The following PDE4B variants were observed in gnomAD, a reference collection of about 807,000 sequenced individuals.
PDE4B encodes phosphodiesterase 4B.
PDE4B carries 20 observed loss-of-function variants against 82.2 expected under a neutral mutation model. The observed-to-expected ratio is 0.24, with a 90% CI of 0.17 to 0.35. PDE4B has a LOEUF of 0.35. Among genes scored for constraint, PDE4B ranks in the 10% least tolerant of loss-of-function variants. The pLI, the probability that PDE4B is intolerant of heterozygous loss-of-function variation, is 1.00. For synonymous variants in PDE4B, 320 were observed against 318.9 expected (o/e 1.00, Z -0.04); for missense variants, 655 against 907.2 (o/e 0.72, Z 3.57).
At chr1:66,021,457 A>G (rs4475719) in intron 3 of PDE4B, among the ~76,000 whole-genome samples, 135,624 of 152,224 alleles carry the variant, frequency 0.89, 60,898 homozygotes, top group Non-Finnish European at 0.94. Context: ...TAGGTCTAAC[A>G]TTCAAGTCTT....
Position 66,372,438 on chromosome 1 carries a change from T to C in PDE4B, c.1971T>C (p.Pro657=). 6.2e-7 allele frequency: 1 copy of C among 1,614,098 alleles called. No individual in the cohort carries two copies. Among genetic ancestry groups the C allele is most frequent in the Admixed American group, 1.7e-5 (1 of 60,008 alleles). ...GGAACTGGTATCAGAGCATGATACCTCAAAGTCCCTCACCACCACTGGACG... is the reference window on the plus strand; with the variant it reads ...GGAACTGGTATCAGAGCATGATACCCCAAAGTCCCTCACCACCACTGGACG... ...DNRNWYQSMI[P]QSPSPPLDEQ... is the part of the protein sequence containing the mutation. Residue 657 remains proline, a synonymous_variant, in exon 17 of 17, where the codon CCT becomes CCC. Coordinates refer to ENST00000341517, the MANE Select transcript of PDE4B (RefSeq NM_002600.4).
chr1:65,978,334 C>T (rs2503199), intron 3 of PDE4B, among the ~76,000 whole-genome samples: 97,945 of 151,966 alleles, frequency 0.64, 31,702 homozygotes, highest in African/African-American at 0.68. Flanking sequence ...GGGTGCACTA[C>T]CATTTAATTT....
chr1:66,266,364 G>T (rs1042156201), intron 7 of PDE4B, among the ~76,000 whole-genome samples: 1 of 152,206 alleles, frequency 6.6e-6, no homozygotes, highest in Admixed American at 6.5e-5. Flanking sequence ...AGAGGAGCAG[G>T]AGACAGAGTT....
intron 1 of PDE4B, among the ~76,000 whole-genome samples, chr1:65,870,073 C>T (rs1646556338): frequency 6.6e-6 from 1 of 152,088 alleles, no homozygotes; most frequent in Non-Finnish European, 1.5e-5. Context: ...ATTCAATGCT[C>T]ACTTACTTTC....
chr1:66,118,292 T>G (rs571337325), intron 3 of PDE4B, among the ~76,000 whole-genome samples: 14 of 152,278 alleles, frequency 9.2e-5, no homozygotes, highest in African/African-American at 3.1e-4. Context: ...TGCGGCACTA[T>G]TCACAATAGC....
intron 3 of PDE4B, among the ~76,000 whole-genome samples, chr1:66,199,943 T>C (rs1234055847): frequency 6.6e-6 from 1 of 152,176 alleles, no homozygotes; most frequent in Non-Finnish European, 1.5e-5. Context: ...TGAATAGTAT[T>C]GCCTAGGTTT....
chr1:66,123,505 C>T (rs1267549407), intron 3 of PDE4B, among the ~76,000 whole-genome samples: 1 of 151,886 alleles, frequency 6.6e-6, no homozygotes, highest in African/African-American at 2.4e-5. Flanking sequence ...TTCCCTCTCT[C>T]CTTTCTCCCT....
intron 7 of PDE4B, among the ~76,000 whole-genome samples, chr1:66,293,415 C>T (rs1256796940): frequency 6.6e-6 from 1 of 151,348 alleles, no homozygotes; most frequent in African/African-American, 2.5e-5. Flanking sequence ...CATTCCTTTC[C>T]TTTATGGCCA....
At chr1:66,036,843 G>GT (rs1181156657) in intron 3 of PDE4B, among the ~76,000 whole-genome samples, 2 of 152,126 alleles carry the variant, frequency 1.3e-5, no homozygotes, top group East Asian at 1.9e-4. Flanking sequence ...TTTTATAATT[G>GT]TTTTTTCTGG....
intron 3 of PDE4B, among the ~76,000 whole-genome samples, chr1:66,232,204 T>C (rs1245936854): frequency 6.6e-6 from 1 of 152,254 alleles, no homozygotes; most frequent in Non-Finnish European, 1.5e-5. Context: ...AGTAGTTTTA[T>C]AGAAATTGGA....
chr1:66,172,779 TTA>T (rs1490802319), intron 3 of PDE4B, among the ~76,000 whole-genome samples: 1 of 10,384 alleles, frequency 9.6e-5, no homozygotes, highest in Non-Finnish European at 1.5e-4. Flanking sequence ...CATCTTCACA[TTA>T]TGTATTATGT....
chr1:66,226,570 G>A (rs1651470263), intron 3 of PDE4B, among the ~76,000 whole-genome samples: 1 of 152,184 alleles, frequency 6.6e-6, no homozygotes. Context: ...AGGATGCTAA[G>A]CAGAGCCAAC....
chr1:65,886,292 T>C (rs1340148823), intron 1 of PDE4B, among the ~76,000 whole-genome samples: 1 of 152,148 alleles, frequency 6.6e-6, no homozygotes, highest in Non-Finnish European at 1.5e-5. Flanking sequence ...GTACATGTGG[T>C]ATTTTGTTAT....
At chr1:66,317,356 C>T (rs1340165159) in intron 7 of PDE4B, among the ~76,000 whole-genome samples, 1 of 152,136 alleles carries the variant, frequency 6.6e-6, no homozygotes, top group Non-Finnish European at 1.5e-5. Flanking sequence ...AACCCTACCC[C>T]GCACACTTCA....
chr1:66,337,125 G>A (rs114999006), intron 8 of PDE4B, among the ~76,000 whole-genome samples: 1 of 152,340 alleles, frequency 6.6e-6, no homozygotes, highest in African/African-American at 2.4e-5. Flanking sequence ...GTAGACAGGC[G>A]CTCAGTCCTT....
At chr1:66,320,046 A>G (rs1659291648) in intron 7 of PDE4B, among the ~76,000 whole-genome samples, 1 of 152,124 alleles carries the variant, frequency 6.6e-6, no homozygotes, top group Admixed American at 6.6e-5. Flanking sequence ...TACCCAAACA[A>G]CACTGAATGG....
chr1:66,202,030 G>C (rs1427002604), intron 3 of PDE4B, among the ~76,000 whole-genome samples: 1 of 152,326 alleles, frequency 6.6e-6, no homozygotes. Context: ...GTGTCCCACA[G>C]ATTCTGGTAT....
At chr1:65,886,268 T>C (rs1646775377) in intron 1 of PDE4B, among the ~76,000 whole-genome samples, 1 of 152,172 alleles carries the variant, frequency 6.6e-6, no homozygotes, top group African/African-American at 2.4e-5. Context: ...ATAATATTTG[T>C]ATGTATTTAT....
Position 66,029,932 on chromosome 1 carries a change from A to G in PDE4B, c.281+111097A>G, listed in dbSNP as rs932613115. Among the ~76,000 whole-genome samples, 3 of 152,158 alleles carry G rather than the reference A, an allele frequency of 2.0e-5. No homozygotes were observed. The East Asian group carries it at 5.8e-4, about 29-fold the overall frequency. ...AATATTCCTTTTGTTGCTTACCACA[A>G]TTATGAAGTCTAATTTCAGAAATCT... On this transcript the variant is annotated intron_variant, in intron 3 of 16. Transcript: ENST00000341517.
Sources: gnomAD v4.1 joint callset for allele counts (sites outside exome capture counted in the v4.1 genomes callset) on GRCh38, gnomAD v4.1.1 for gene constraint, MANE v1.5 for transcripts, NCBI Gene and HGNC (gene_info 2026-07-23, HGNC 2026-07-21) for gene names.